The following PEX5L variants were observed in gnomAD, a reference collection of about 807,000 sequenced individuals.
PEX5L encodes PEX5-related protein.
A neutral mutation model predicts 84.0 loss-of-function variants in PEX5L; 30 were observed. The ratio of observed to expected loss-of-function variants is 0.36; its 90% CI spans 0.27 to 0.48. The LOEUF (loss-of-function observed/expected upper bound fraction) is 0.48. PEX5L is among the 20% of genes least tolerant of loss of function. The pLI is 0.99. For missense variants in PEX5L, 533 were observed against 754.6 expected (o/e 0.71, Z 3.44); for synonymous variants, 270 against 283.1 (o/e 0.95, Z 0.46).
chr3:179,881,271 C>A (rs771371380), intron 4 of PEX5L: 1 of 152,260 alleles, frequency 6.6e-6, no homozygotes, highest in Non-Finnish European at 1.5e-5. Flanking sequence ...AACTCACAAC[C>A]TGGATTTCTT....
chr3:179,931,858 T>A (rs1268448263), intron 2 of PEX5L, among the ~76,000 whole-genome samples: 1 of 152,172 alleles, frequency 6.6e-6, no homozygotes, highest in Non-Finnish European at 1.5e-5. Flanking sequence ...TTTTTGTCTA[T>A]CAGATTGGCA....
At position 180,034,820 on chromosome 3, in the gene PEX5L, GC is replaced by G. The variant is rs561782683; in HGVS notation, c.21+1758del. On this transcript the variant is annotated intron_variant, in intron 1 of 14. Coordinates refer to ENST00000467460, the MANE Select transcript of PEX5L (RefSeq NM_016559.3). ...TATTTGCTGTTACAGCAGTGCACAA[GC>G]AAAAGACATTAAGTTGGGAGAATAT... Among the ~76,000 whole-genome samples the G allele has an allele frequency of 3.1e-3, 476 of 152,146 alleles. 2 individuals are homozygous for G. Among genetic ancestry groups the G allele is most frequent in the African/African-American group, 0.011 (451 of 41,538 alleles).
chr3:179,795,321 G>C lies in PEX5L; in HGVS notation c.*6507C>G, dbSNP rs1385319730. The C allele has an allele frequency of 1.3e-5, 2 of 152,126 alleles. No homozygotes were observed. Among genetic ancestry groups the C allele is most frequent in the Non-Finnish European group, 2.9e-5 (2 of 68,018 alleles). 9.4% of individuals were successfully genotyped at this position (152,126 alleles called of 1,614,324 possible). ...AATTTAATAATGTGAAAAAGGGAAG[G>C]CATGCTTCCAATAATAGTACAAAAA... On this transcript the variant is annotated 3_prime_UTR_variant, in exon 15 of 15. Coordinates refer to ENST00000467460, the MANE Select transcript of PEX5L (RefSeq NM_016559.3).
At chr3:179,876,524 A>C (rs1160201792) in intron 5 of PEX5L, among the ~76,000 whole-genome samples, 1 of 152,056 alleles carries the variant, frequency 6.6e-6, no homozygotes, top group Non-Finnish European at 1.5e-5. Context: ...AGTTTGCAGT[A>C]GATGTTCTCT....
At chr3:180,022,204 C>T (rs1248485110) in intron 1 of PEX5L, among the ~76,000 whole-genome samples, 1 of 152,082 alleles carries the variant, frequency 6.6e-6, no homozygotes, top group Admixed American at 6.6e-5. Flanking sequence ...CTTCTTAGTC[C>T]TTCCACACTC....
At chr3:179,804,654 C>T (rs1233904882) in intron 14 of PEX5L, among the ~76,000 whole-genome samples, 1 of 152,206 alleles carries the variant, frequency 6.6e-6, no homozygotes, top group Non-Finnish European at 1.5e-5. Context: ...CAGCTACATA[C>T]ACCGACACCT....
chr3:179,905,366 A>G (rs940559426), intron 2 of PEX5L, among the ~76,000 whole-genome samples: 5 of 151,012 alleles, frequency 3.3e-5, no homozygotes, highest in African/African-American at 7.3e-5. Context: ...TCTGCCTCCC[A>G]GGTTCAAGCC....
Position 179,821,532 on chromosome 3 carries a change from T to C in PEX5L, c.823-1556A>G, listed in dbSNP as rs1317511179. 3.3e-5 allele frequency among the ~76,000 whole-genome samples: 5 copies of C among 152,230 alleles called. No individual in the cohort carries two copies. The East Asian group carries it at 9.6e-4, about 29-fold the overall frequency. ...AATAAGAACCAGCCCAATGTGATAA[T>C]CCCAGGCTACTAAATAGTAGCTCTT... On this transcript the variant is annotated intron_variant, in intron 8 of 14. Transcript: ENST00000467460.
intron 1 of PEX5L, among the ~76,000 whole-genome samples, chr3:180,014,237 G>A (rs1789734751): frequency 6.6e-6 from 1 of 152,206 alleles, no homozygotes. Flanking sequence ...TTAATACCAA[G>A]AAGAGATTAA....
At chr3:179,971,236 T>C (rs1233494467) in intron 2 of PEX5L, among the ~76,000 whole-genome samples, 2 of 152,180 alleles carry the variant, frequency 1.3e-5, no homozygotes, top group East Asian at 3.8e-4. Flanking sequence ...GATAGAATAA[T>C]GGCAGTGTTT....
At chr3:179,879,694 A>G (rs770180610) in intron 5 of PEX5L, among the ~76,000 whole-genome samples, 2 of 152,190 alleles carry the variant, frequency 1.3e-5, no homozygotes, top group Non-Finnish European at 2.9e-5. Context: ...GCACCTATCT[A>G]TAACTCAATA....
intron 2 of PEX5L, among the ~76,000 whole-genome samples, chr3:179,914,686 C>T (rs918826009): frequency 6.6e-6 from 1 of 152,196 alleles, no homozygotes; most frequent in Admixed American, 6.6e-5. Context: ...ATCTCCTTCC[C>T]AAACCTCTCC....
chr3:179,807,831 C>T lies in PEX5L; in HGVS notation c.1519G>A (p.Asp507Asn). The change falls in exon 14 of 15, where the codon GAC (aspartate) becomes AAC (asparagine). Residue 507 changes from aspartate (D) to asparagine (N), a missense_variant and splice_region_variant. Physicochemically the swap from Asp to Asn is conservative, Grantham distance 23. Around this residue, in one of 8 missense-constraint regions of PEX5L, gnomAD observed 105 missense variants for 204.6 expected, o/e 0.51. Transcript: ENST00000467460. ...CCGAGGCGGTTCCATAGTGAATAGTCCTGATGACAAAATCAGAACTTTCTA... is the reference window on the plus strand; with the variant it reads ...CCGAGGCGGTTCCATAGTGAATAGTTCTGATGACAAAATCAGAACTTTCTA... ...FNAALTVRPE[D>N]YSLWNRLGAT... 6.2e-7 allele frequency: 1 copy of T among 1,612,078 alleles called. No individual in the cohort carries two copies. Among genetic ancestry groups the T allele is most frequent in the Non-Finnish European group, 8.5e-7 (1 of 1,178,958 alleles).
chr3:179,990,526 C>G (rs1787280862), intron 1 of PEX5L, among the ~76,000 whole-genome samples: 1 of 152,136 alleles, frequency 6.6e-6, no homozygotes, highest in East Asian at 1.9e-4. Context: ...AGCCTCCCAA[C>G]TAGCTGAGAC....
chr3:179,945,003 CAA>C (rs1777135171), intron 2 of PEX5L, among the ~76,000 whole-genome samples: 1 of 152,178 alleles, frequency 6.6e-6, no homozygotes, highest in South Asian at 2.1e-4. Flanking sequence ...ATGCTGATTT[CAA>C]AGTTACATTT....
At chr3:179,885,766 G>A (rs1578045708) in intron 4 of PEX5L, among the ~76,000 whole-genome samples, 1 of 152,192 alleles carries the variant, frequency 6.6e-6, no homozygotes, top group Non-Finnish European at 1.5e-5. Context: ...ATAAACCAAG[G>A]CAGTACCAGA....
chr3:179,903,333 C>T (rs886583097), intron 2 of PEX5L, among the ~76,000 whole-genome samples: 2 of 152,028 alleles, frequency 1.3e-5, no homozygotes, highest in Admixed American at 6.6e-5. Flanking sequence ...TGGATCCTCC[C>T]ACCTCAGCTT....
intron 7 of PEX5L, among the ~76,000 whole-genome samples, chr3:179,868,027 A>ATTC (rs766639759): frequency 4.2e-5 from 6 of 144,396 alleles, no homozygotes; most frequent in African/African-American, 1.3e-4. Flanking sequence ...TTATGTATTT[A>ATTC]TTCTTCTTCT....
chr3:179,838,370 C>T (rs1467367404), intron 8 of PEX5L, among the ~76,000 whole-genome samples: 2 of 152,142 alleles, frequency 1.3e-5, no homozygotes, highest in African/African-American at 4.8e-5. Flanking sequence ...ACTGATATGT[C>T]CTCAAAACAC....
Sources: allele counts gnomAD v4.1 joint callset (sites outside exome capture counted in the v4.1 genomes callset), GRCh38; gene constraint gnomAD v4.1.1; regional missense constraint gnomAD v4.1.1; transcripts MANE v1.5; gene names NCBI Gene and HGNC (gene_info 2026-07-23, HGNC 2026-07-21).